The following GARNL3 variants were observed in gnomAD, a reference collection of about 807,000 sequenced individuals.
GARNL3 encodes GTPase-activating Rap/Ran-GAP domain-like protein 3.
Under a neutral mutation model 125.0 loss-of-function variants are expected in GARNL3, and 63 were observed. The observed-to-expected ratio is 0.50, with a 90% CI of 0.41 to 0.62. The LOEUF is 0.62. GARNL3 is among the 20% of genes least tolerant of loss of function. GARNL3 has a pLI of 0.00. For missense variants in GARNL3, 994 were observed against 1,244.0 expected, an observed-to-expected ratio of 0.80 and a Z score of 3.02; for synonymous variants, 439 against 457.5, an observed-to-expected ratio of 0.96 and a Z score of 0.52.
At chr9:127,345,596 T>A (rs1462704840) in intron 16 of GARNL3, 119 bp downstream of exon 16, 2 of 618,532 alleles carry the variant, frequency 3.2e-6, no homozygotes, top group Non-Finnish European at 5.5e-6. Flanking sequence ...TACTGCAGAG[T>A]CCTCAGGGAA....
intron 13 of GARNL3, among the ~76,000 whole-genome samples, chr9:127,340,118 A>G (rs1829784391): frequency 6.6e-6 from 1 of 151,556 alleles, no homozygotes; most frequent in African/African-American, 2.4e-5. Context: ...GGTTGTGGGT[A>G]TATGCTTAGG....
chr9:127,311,797 A>G, intron 3 of GARNL3, 62 bp downstream of exon 3: 1 of 1,154,200 alleles, frequency 8.7e-7, no homozygotes, highest in Non-Finnish European at 1.3e-6. Flanking sequence ...TAGTGTTCAT[A>G]TAACTTCTGG....
At chr9:127,282,777 G>C (rs1259391147) in intron 1 of GARNL3, among the ~76,000 whole-genome samples, 1 of 152,136 alleles carries the variant, frequency 6.6e-6, no homozygotes, top group East Asian at 1.9e-4. Flanking sequence ...CACTGATTTA[G>C]AATGGAAACA....
chr9:127,298,569 G>C (rs2064681194), intron 2 of GARNL3, among the ~76,000 whole-genome samples: 1 of 152,044 alleles, frequency 6.6e-6, no homozygotes, highest in African/African-American at 2.4e-5. Flanking sequence ...TTTCCCAGTT[G>C]TTCATTTCTA....
intron 2 of GARNL3, among the ~76,000 whole-genome samples, chr9:127,308,163 G>A (rs957505493): frequency 1.3e-5 from 2 of 152,188 alleles, no homozygotes; most frequent in African/African-American, 4.8e-5. Flanking sequence ...GTAATATCTT[G>A]AATAGGTAAT....
intron 22 of GARNL3, among the ~76,000 whole-genome samples, chr9:127,365,639 G>A (rs1825091222): frequency 6.6e-6 from 1 of 152,156 alleles, no homozygotes. Context: ...GGCCCTTACT[G>A]TGTGCCAGGT....
intron 1 of GARNL3, among the ~76,000 whole-genome samples, chr9:127,269,239 GTCCTCCTGCCTTGAC>G (rs1210936318): frequency 2.0e-5 from 3 of 152,156 alleles, no homozygotes; most frequent in African/African-American, 7.2e-5. Context: ...GGCTCAAGCA[GTCCTCCTGCCTTGAC>G]CTCCCAAAGT....
intron 1 of GARNL3, among the ~76,000 whole-genome samples, chr9:127,233,084 C>T (rs1356041466): frequency 6.6e-6 from 1 of 152,018 alleles, no homozygotes; most frequent in African/African-American, 2.4e-5. Flanking sequence ...ATTAGTTGGG[C>T]ATGGTATTGC....
At chr9:127,276,668 C>T (rs989003938) in intron 1 of GARNL3, among the ~76,000 whole-genome samples, 2 of 152,220 alleles carry the variant, frequency 1.3e-5, no homozygotes, top group Non-Finnish European at 2.9e-5. Flanking sequence ...TCTCTTGTGC[C>T]AAACCACTGA....
At chr9:127,226,609 G>T (rs1018617491) in intron 1 of GARNL3, among the ~76,000 whole-genome samples, 2 of 152,176 alleles carry the variant, frequency 1.3e-5, no homozygotes, top group Admixed American at 6.5e-5. Context: ...TCTCTACTTA[G>T]AATTTTCTTT....
chr9:127,339,578 A>G (rs1829751596), intron 12 of GARNL3, 67 bp from the exon 13 acceptor site: 1 of 1,148,694 alleles, frequency 8.7e-7, no homozygotes, highest in Non-Finnish European at 1.3e-6. Context: ...TCAAGTGGCG[A>G]TTTGGGTGGG....
chr9:127,379,996 A>G (rs368064014), intron 22 of GARNL3, among the ~76,000 whole-genome samples: 367 of 152,290 alleles, frequency 2.4e-3, no homozygotes, highest in African/African-American at 8.3e-3. Context: ...CCTGGCCAAC[A>G]TGGTGAAACC....
At chr9:127,378,307 G>A (rs914895940) in intron 22 of GARNL3, among the ~76,000 whole-genome samples, 7 of 151,320 alleles carry the variant, frequency 4.6e-5, no homozygotes, top group African/African-American at 1.5e-4. Flanking sequence ...AGATAAAGAC[G>A]GCTGGGCACC....
upstream of GARNL3, among the ~76,000 whole-genome samples, chr9:127,259,888 T>A (rs945211357): frequency 4.6e-5 from 7 of 151,462 alleles, no homozygotes; most frequent in South Asian, 4.2e-4. Flanking sequence ...CAAAAAAAAA[T>A]TTTTTTAAAT....
intron 17 of GARNL3, 112 bp from the exon 18 acceptor site, chr9:127,353,734 C>T (rs1245900594): frequency 5.2e-6 from 4 of 771,020 alleles, no homozygotes; most frequent in East Asian, 2.4e-5. Flanking sequence ...AAGCTGACTT[C>T]CTTCCTTGCC....
intron 1 of GARNL3, among the ~76,000 whole-genome samples, chr9:127,233,717 A>G (rs2063061857): frequency 6.6e-6 from 1 of 152,210 alleles, no homozygotes; most frequent in Non-Finnish European, 1.5e-5. Flanking sequence ...TGGTTTCCTT[A>G]TTAGTAATGC....
chr9:127,353,916 G>T lies in GARNL3; in HGVS notation c.1614G>T (p.Leu538=), dbSNP rs1830541683. Reference sequence around the variant, plus strand: ...AGCAAATGCATGTGCTTGAGACCCTGGACCTTCTGGTTCTCAGAGCAGACA... The same window carrying T: ...AGCAAATGCATGTGCTTGAGACCCTTGACCTTCTGGTTCTCAGAGCAGACA... ...PVKQMHVLET[L]DLLVLRADKG... is the part of the protein sequence containing the mutation. The change falls in exon 18 of 28, where the codon CTG becomes CTT. Residue 538 remains leucine (L), a synonymous_variant. Transcript: ENST00000373387. 4 of 1,613,142 alleles carry T rather than the reference G, an allele frequency of 2.5e-6. No individual in the cohort carries two copies. In the African/African-American group the frequency reaches 4.0e-5, roughly 16 times the overall value.
intron 22 of GARNL3, among the ~76,000 whole-genome samples, chr9:127,379,598 CTG>C (rs1040348765): frequency 1.3e-5 from 2 of 152,108 alleles, no homozygotes; most frequent in African/African-American, 4.8e-5. Flanking sequence ...AATCAGCAAA[CTG>C]TGAATAATGA....
intron 21 of GARNL3, chr9:127,363,684 T>C (rs7027153): frequency 0.53 from 80,879 of 152,090 alleles, 21,962 homozygotes; most frequent in East Asian, 0.73. Context: ...GGTGCTCCTG[T>C]GAGGAGGTCA....
Sources: gnomAD v4.1 joint callset for allele counts (sites outside exome capture counted in the v4.1 genomes callset) on GRCh38, gnomAD v4.1.1 for gene constraint, MANE v1.5 for transcripts, NCBI Gene and HGNC (gene_info 2026-07-23, HGNC 2026-07-21) for gene names.